NXPE2: variants seen among roughly 807,000 people sequenced by gnomAD.
The protein encoded by NXPE2 is neurexophilin and PC-esterase domain family member 2, also known as NXPE family member 2.
A neutral mutation model predicts 34.4 loss-of-function variants in NXPE2; 34 were observed. That is an observed-to-expected ratio of 0.99 (90% CI 0.75 to 1.31). The LOEUF (loss-of-function observed/expected upper bound fraction) is 1.31. NXPE2 is among the 40% of genes most tolerant of loss of function. The pLI is 0.00. For missense variants in NXPE2, 649 were observed against 672.5 expected (o/e 0.97, Z 0.39); for synonymous variants, 235 against 231.3 (o/e 1.02, Z -0.15).
At chr11:114,520,038 G>A in the NXPE2 span, among the ~76,000 whole-genome samples, 5 of 151,818 alleles carry the variant, frequency 3.3e-5, no homozygotes, top group Non-Finnish European at 5.9e-5. Flanking sequence ...TCCTGACCTC[G>A]TGATCCTCCC....
the NXPE2 span, chr11:114,594,666 T>C: frequency 1.9e-6 from 3 of 1,585,454 alleles, no homozygotes; most frequent in Admixed American, 1.7e-5. Flanking sequence ...TTTCCTACCT[T>C]TGTGGAGTTC....
chr11:114,791,327 T>A, the NXPE2 span, among the ~76,000 whole-genome samples: 1 of 152,186 alleles, frequency 6.6e-6, no homozygotes, highest in Admixed American at 6.5e-5. Context: ...GCCCAAACTA[T>A]TCTTTTAGTT....
At chr11:114,630,031 C>G in the NXPE2 span, among the ~76,000 whole-genome samples, 1 of 151,150 alleles carries the variant, frequency 6.6e-6, no homozygotes, top group Non-Finnish European at 1.5e-5. Flanking sequence ...AGGATACAAA[C>G]AAATGGAAGA....
chr11:114,571,018 C>T, the NXPE2 span: 2 of 1,613,126 alleles, frequency 1.2e-6, no homozygotes, highest in Non-Finnish European at 1.7e-6. Flanking sequence ...GTGCCATATG[C>T]AATTGTTATA....
the NXPE2 span, among the ~76,000 whole-genome samples, chr11:114,505,903 C>T: frequency 6.6e-6 from 1 of 151,924 alleles, no homozygotes; most frequent in African/African-American, 2.4e-5. Context: ...GGGCTAAATG[C>T]CCCATTTAAA....
At chr11:114,739,870 C>G in the NXPE2 span, among the ~76,000 whole-genome samples, 1 of 152,100 alleles carries the variant, frequency 6.6e-6, no homozygotes, top group South Asian at 2.1e-4. Context: ...TTTCACTTAG[C>G]CTGATGTTCT....
At chr11:114,558,830 C>T in the NXPE2 span, among the ~76,000 whole-genome samples, 1 of 152,162 alleles carries the variant, frequency 6.6e-6, no homozygotes. Flanking sequence ...ATTCTGGATA[C>T]ATCACAGAGG....
At chr11:114,605,642 A>G in the NXPE2 span, among the ~76,000 whole-genome samples, 2 of 152,030 alleles carry the variant, frequency 1.3e-5, no homozygotes, top group South Asian at 4.1e-4. Context: ...GTGGGTAACC[A>G]CAGTTAGCTG....
chr11:114,737,580 G>A, the NXPE2 span, among the ~76,000 whole-genome samples: 6 of 152,104 alleles, frequency 3.9e-5, no homozygotes, highest in Non-Finnish European at 8.8e-5. Flanking sequence ...AATTCTAGAG[G>A]TAGTTTGTGC....
chr11:114,753,335 G>A, the NXPE2 span, among the ~76,000 whole-genome samples: 1 of 152,202 alleles, frequency 6.6e-6, no homozygotes, highest in Non-Finnish European at 1.5e-5. Context: ...ATAGGCTGCA[G>A]TGAGTCGTGA....
At chr11:114,531,579 T>TA in the NXPE2 span, among the ~76,000 whole-genome samples, 837 of 152,338 alleles carry the variant, frequency 5.5e-3, 11 homozygotes, top group African/African-American at 0.018. Flanking sequence ...AATTCTTGGG[T>TA]AAAATCCATT....
At chr11:114,659,127 A>T in the NXPE2 span, among the ~76,000 whole-genome samples, 1 of 152,216 alleles carries the variant, frequency 6.6e-6, no homozygotes, top group African/African-American at 2.4e-5. Context: ...TCCCTACCTC[A>T]TGGCTCAGGA....
chr11:114,481,927 C>A, the NXPE2 span, among the ~76,000 whole-genome samples: 1 of 151,960 alleles, frequency 6.6e-6, no homozygotes, highest in Admixed American at 6.6e-5. Context: ...GTAACTGTAG[C>A]GAAAGATTCA....
chr11:114,797,031 C>T, the NXPE2 span, among the ~76,000 whole-genome samples: 4 of 152,254 alleles, frequency 2.6e-5, no homozygotes, highest in African/African-American at 4.8e-5. Context: ...AATAGGGATC[C>T]GTGTGCCACA....
At chr11:114,615,279 CACTG>C in the NXPE2 span, among the ~76,000 whole-genome samples, 1 of 152,056 alleles carries the variant, frequency 6.6e-6, no homozygotes, top group African/African-American at 2.4e-5. Context: ...TGTGGGTATC[CACTG>C]TTACCTGGTG....
chr11:114,773,279 A>ACCCCCCCCC, the NXPE2 span, among the ~76,000 whole-genome samples: 25 of 69,414 alleles, frequency 3.6e-4, no homozygotes, highest in Non-Finnish European at 5.6e-4. Flanking sequence ...ACCCACTCCC[A>ACCCCCCCCC]CCCCCCCCCC....
At chr11:114,623,128 A>G in the NXPE2 span, among the ~76,000 whole-genome samples, 1 of 152,112 alleles carries the variant, frequency 6.6e-6, no homozygotes, top group South Asian at 2.1e-4. Context: ...TACCCGGTGG[A>G]TAATAAGTGT....
At chr11:114,638,750 G>T in the NXPE2 span, among the ~76,000 whole-genome samples, 1 of 152,002 alleles carries the variant, frequency 6.6e-6, no homozygotes, top group Non-Finnish European at 1.5e-5. Flanking sequence ...GTTTGCCTGG[G>T]TAACAGCAGC....
At chr11:114,523,174 T>C in the NXPE2 span, 1 of 981,626 alleles carries the variant, frequency 1.0e-6, no homozygotes, top group Non-Finnish European at 1.6e-6. Context: ...ATTTTCTTGC[T>C]CTCTTTCCCC....
Sources: gnomAD v4.1 joint callset for allele counts (sites outside exome capture counted in the v4.1 genomes callset) on GRCh38, gnomAD v4.1.1 for gene constraint, MANE v1.5 for transcripts, NCBI Gene and HGNC (gene_info 2026-07-23, HGNC 2026-07-21) for gene names.